Variants in HMGN5 observed in about 807,000 individuals in gnomAD.
HMGN5 encodes high mobility group nucleosome binding domain 5, also known as high mobility group nucleosome-binding domain-containing protein 5.
HMGN5 carries 4 observed loss-of-function variants against 9.5 expected under a neutral mutation model. The ratio of observed to expected loss-of-function variants is 0.42; its 90% CI spans 0.21 to 0.96. The LOEUF (loss-of-function observed/expected upper bound fraction) is 0.96, where lower values mean the gene tolerates loss of function less well. Among genes scored for constraint, HMGN5 ranks in the 40% least tolerant of loss-of-function variants. The probability of loss-of-function intolerance (pLI) is 0.30; values close to 1 mark genes in which losing one functional copy is unlikely to be tolerated. For synonymous variants in HMGN5, 55 were observed against 57.1 expected (o/e 0.96, Z 0.16); for missense variants, 192 against 187.5 (o/e 1.02, Z -0.14).
At position 81,151,010 on chromosome X, in the gene HMGN5, G is replaced by T. The variant is rs1381575296; in HGVS notation, c.-123-29338C>A. Among the ~76,000 whole-genome samples the T allele has an allele frequency of 3.6e-5, 4 of 111,868 alleles. No homozygotes were observed. In the East Asian group the frequency reaches 1.1e-3, roughly 31 times the overall value. On this transcript the variant is annotated intron_variant, in intron 1 of 6. Coordinates refer to ENST00000358130, the MANE Select transcript of HMGN5 (RefSeq NM_030763.3). ...CAGTAAAGAAAAGCTGATGGTTTCA[G>T]TGCTGAATTCTATGAAAAATTTAAC...
intron 1 of HMGN5, among the ~76,000 whole-genome samples, chrX:81,141,032 C>T (rs1164456333): frequency 9.0e-6 from 1 of 111,545 alleles, no homozygotes; most frequent in African/African-American, 3.3e-5. Context: ...GCAGAACTCC[C>T]CATGGCCTGG....
At chrX:81,116,441 C>A (rs545774100) in intron 5 of HMGN5, 100 bp from the exon 6 acceptor site, 6 of 541,631 alleles carry the variant, frequency 1.1e-5, no homozygotes, top group African/African-American at 7.1e-5. Context: ...ATAATTTATG[C>A]AAACTCTTTA....
chrX:81,178,566 TACAACCATAAAAAGTCCAGGAAC>T (rs1401424184), intron 1 of HMGN5, among the ~76,000 whole-genome samples: 9 of 109,181 alleles, frequency 8.2e-5, no homozygotes, highest in Admixed American at 1.9e-4. Context: ...AGGCAATAAT[TACAACCATAAAAAGTCCAGGAAC>T]AGATGGATTC....
intron 1 of HMGN5, among the ~76,000 whole-genome samples, chrX:81,134,475 G>GT (rs2075306332): frequency 1.8e-5 from 2 of 111,254 alleles, no homozygotes; most frequent in Admixed American, 9.6e-5. Flanking sequence ...AGTTCAGTAT[G>GT]TTTTTGTGTA....
At chrX:81,181,162 A>T (rs2075461764) in intron 1 of HMGN5, among the ~76,000 whole-genome samples, 1 of 111,443 alleles carries the variant, frequency 9.0e-6, no homozygotes, top group African/African-American at 3.3e-5. Context: ...AAACCTGCAC[A>T]TTGTGCACAT....
chrX:81,193,691 A>T (rs762538767), intron 1 of HMGN5, among the ~76,000 whole-genome samples: 2 of 112,512 alleles, frequency 1.8e-5, no homozygotes, highest in Admixed American at 1.9e-4. Context: ...TTTATGGTTG[A>T]TGTTATTGTG....
chrX:81,177,326 A>C (rs1481444494), intron 1 of HMGN5, among the ~76,000 whole-genome samples: 1 of 100,794 alleles, frequency 9.9e-6, no homozygotes, highest in African/African-American at 3.6e-5. Context: ...ACCAGGCTCA[A>C]AATAAAGGGA....
intron 3 of HMGN5, 34 bp from the exon 4 acceptor site, chrX:81,118,793 T>C (rs1371607823): frequency 2.0e-6 from 2 of 1,020,334 alleles, no homozygotes; most frequent in Non-Finnish European, 2.7e-6. Context: ...GTTAAGAGAA[T>C]TATGGATACA....
intron 1 of HMGN5, among the ~76,000 whole-genome samples, chrX:81,169,213 G>A (rs2075418786): frequency 9.0e-6 from 1 of 111,510 alleles, no homozygotes; most frequent in Admixed American, 9.6e-5. Context: ...CTATCACTCT[G>A]GTTATCCTGG....
chrX:81,147,981 G>T (rs1455267131), intron 1 of HMGN5, among the ~76,000 whole-genome samples: 1 of 111,582 alleles, frequency 9.0e-6, no homozygotes, highest in African/African-American at 3.3e-5. Flanking sequence ...GGAAATAAGA[G>T]AGGACACAAA....
intron 1 of HMGN5, among the ~76,000 whole-genome samples, chrX:81,128,652 A>G (rs1246876980): frequency 1.8e-5 from 2 of 111,462 alleles, no homozygotes; most frequent in East Asian, 5.6e-4. Context: ...CACACTGGAG[A>G]TAAAAAAGGT....
At chrX:81,179,772 T>C (rs1174259003) in intron 1 of HMGN5, among the ~76,000 whole-genome samples, 1 of 111,714 alleles carries the variant, frequency 9.0e-6, no homozygotes, top group Non-Finnish European at 1.9e-5. Flanking sequence ...AGAAAAAAGC[T>C]GGAGGCATCA....
At chrX:81,137,928 T>C (rs1414202105) in intron 1 of HMGN5, among the ~76,000 whole-genome samples, 2 of 111,570 alleles carry the variant, frequency 1.8e-5, no homozygotes, top group African/African-American at 6.5e-5. Flanking sequence ...AACTTTACAC[T>C]CATAAATTTT....
At chrX:81,186,053 C>G (rs1365918574) in intron 1 of HMGN5, among the ~76,000 whole-genome samples, 2 of 111,617 alleles carry the variant, frequency 1.8e-5, no homozygotes, top group African/African-American at 6.5e-5. Context: ...CAATATTCAA[C>G]AAAGATATTC....
intron 1 of HMGN5, among the ~76,000 whole-genome samples, chrX:81,147,566 C>A (rs751733897): frequency 9.0e-6 from 1 of 111,332 alleles, no homozygotes; most frequent in African/African-American, 3.3e-5. Flanking sequence ...CTTTGAAAAC[C>A]GGCACAAGAC....
At chrX:81,179,129 TGA>T (rs1361093478) in intron 1 of HMGN5, among the ~76,000 whole-genome samples, 2 of 111,737 alleles carry the variant, frequency 1.8e-5, no homozygotes, top group East Asian at 5.6e-4. Context: ...ACATTCCCTT[TGA>T]AAACCGGCAC....
chrX:81,129,428 T>C (rs1339415520), intron 1 of HMGN5, among the ~76,000 whole-genome samples: 4 of 111,947 alleles, frequency 3.6e-5, no homozygotes. Context: ...TTGTATTTCC[T>C]GTCTGTGAAT....
chrX:81,127,363 AG>A (rs1366279937), intron 1 of HMGN5, among the ~76,000 whole-genome samples: 2 of 111,757 alleles, frequency 1.8e-5, no homozygotes, highest in African/African-American at 3.2e-5. Context: ...TTCACTAGTG[AG>A]GGTTGATTAG....
At chrX:81,166,473 T>G (rs2075411659) in intron 1 of HMGN5, among the ~76,000 whole-genome samples, 1 of 111,824 alleles carries the variant, frequency 8.9e-6, no homozygotes, top group Non-Finnish European at 1.9e-5. Context: ...AGCTAGTAAA[T>G]CGCTGTATTA....
Sources: gnomAD v4.1 joint callset for allele counts (sites outside exome capture counted in the v4.1 genomes callset) on GRCh38, gnomAD v4.1.1 for gene constraint, MANE v1.5 for transcripts, NCBI Gene and HGNC (gene_info 2026-07-23, HGNC 2026-07-21) for gene names.